RREB1: variants seen among roughly 807,000 people sequenced by gnomAD.
The protein encoded by RREB1 is ras responsive element binding protein 1, also known as ras-responsive element-binding protein 1.
RREB1 carries 27 observed loss-of-function variants against 117.8 expected under a neutral mutation model. The ratio of observed to expected loss-of-function variants is 0.23; its 90% CI spans 0.17 to 0.32. RREB1 has a LOEUF of 0.32. RREB1 is among the 10% of genes least tolerant of loss of function. RREB1 has a pLI of 1.00. For synonymous variants in RREB1, 1,298 were observed against 1,026.7 expected (o/e 1.26, Z -5.05); for missense variants, 2,577 against 2,378.2 (o/e 1.08, Z -1.74).
chr6:7,193,293 ATG>A (rs1402654584), intron 6 of RREB1, among the ~76,000 whole-genome samples: 1 of 152,190 alleles, frequency 6.6e-6, no homozygotes, highest in African/African-American at 2.4e-5. Flanking sequence ...TTTGAGAAGA[ATG>A]TGTATTCTGC....
At chr6:7,126,321 C>A (rs1761927166) in intron 1 of RREB1, among the ~76,000 whole-genome samples, 1 of 147,068 alleles carries the variant, frequency 6.8e-6, no homozygotes, top group Non-Finnish European at 1.5e-5. Flanking sequence ...CCGACCCATT[C>A]TTGTTGCCCA....
At chr6:7,166,182 G>C (rs1011739343) in intron 1 of RREB1, among the ~76,000 whole-genome samples, 4 of 151,860 alleles carry the variant, frequency 2.6e-5, no homozygotes, top group Admixed American at 2.6e-4. Context: ...GCCAGCCCCT[G>C]GCCTTGGCCC....
chr6:7,199,114 T>C (rs1227752347), intron 6 of RREB1, among the ~76,000 whole-genome samples: 2 of 152,196 alleles, frequency 1.3e-5, no homozygotes, highest in Non-Finnish European at 2.9e-5. Flanking sequence ...ACTTCAGTAG[T>C]GGTTTAAAGA....
chr6:7,193,988 C>T (rs1765543242), intron 6 of RREB1, among the ~76,000 whole-genome samples: 2 of 152,298 alleles, frequency 1.3e-5, no homozygotes, highest in South Asian at 4.1e-4. Flanking sequence ...TCCTCATTCT[C>T]AACACAATTC....
At chr6:7,245,956 A>G (rs1490706762) in intron 11 of RREB1, among the ~76,000 whole-genome samples, 4 of 152,244 alleles carry the variant, frequency 2.6e-5, no homozygotes, top group Non-Finnish European at 5.9e-5. Flanking sequence ...CATCAAGACC[A>G]TGCTTTGGAG....
Position 7,249,201 on chromosome 6 carries a change from C to T in RREB1, c.*233C>T. ...CCGATTCCAGTGCCTTAACTACTTA[C>T]CGGATCCCTCCATATTATCATGGGT... On this transcript the variant is annotated 3_prime_UTR_variant, in exon 13 of 13. Coordinates refer to ENST00000379938, the MANE Select transcript of RREB1 (RefSeq NM_001003699.4). The T allele has an allele frequency of 2.1e-6, 1 of 482,422 alleles. No homozygotes were observed. Among genetic ancestry groups the T allele is most frequent in the Non-Finnish European group, 3.6e-6 (1 of 274,488 alleles). 29.9% of individuals were successfully genotyped at this position (482,422 alleles called of 1,614,324 possible).
chr6:7,234,467 T>C (rs768583589), intron 10 of RREB1, among the ~76,000 whole-genome samples: 17 of 152,232 alleles, frequency 1.1e-4, no homozygotes, highest in Admixed American at 2.0e-4. Flanking sequence ...TGATATGTGT[T>C]CCCATTTGTG....
At chr6:7,166,459 TG>T (rs1189432792) in intron 1 of RREB1, among the ~76,000 whole-genome samples, 1 of 152,192 alleles carries the variant, frequency 6.6e-6, no homozygotes, top group Non-Finnish European at 1.5e-5. Flanking sequence ...GGTGAGGGGA[TG>T]GGAGGTTTTC....
chr6:7,236,877 GT>G (rs1768361092), intron 10 of RREB1, among the ~76,000 whole-genome samples: 1 of 61,008 alleles, frequency 1.6e-5, no homozygotes, highest in Non-Finnish European at 3.5e-5. Flanking sequence ...TTTTTTGTTT[GT>G]TTTTGGAGGT....
At chr6:7,133,045 C>T (rs781562674) in intron 1 of RREB1, among the ~76,000 whole-genome samples, 15 of 152,200 alleles carry the variant, frequency 9.9e-5, no homozygotes, top group Non-Finnish European at 1.8e-4. Flanking sequence ...AGCAAGTCGA[C>T]AAGTGGGTTA....
At chr6:7,236,445 A>T (rs1259532027) in intron 10 of RREB1, among the ~76,000 whole-genome samples, 1 of 152,200 alleles carries the variant, frequency 6.6e-6, no homozygotes, top group African/African-American at 2.4e-5. Context: ...CTGGGTGTGG[A>T]AAGCACCTGG....
At chr6:7,172,751 A>G (rs1764284846) in intron 1 of RREB1, among the ~76,000 whole-genome samples, 1 of 152,058 alleles carries the variant, frequency 6.6e-6, no homozygotes, top group East Asian at 1.9e-4. Context: ...CCTGGACCCT[A>G]AGCCAAGAAA....
chr6:7,243,156 C>CA (rs1452189599), intron 11 of RREB1, among the ~76,000 whole-genome samples: 1 of 152,244 alleles, frequency 6.6e-6, no homozygotes, highest in Non-Finnish European at 1.5e-5. Context: ...TCTCCATCCT[C>CA]AGATGCTTTG....
chr6:7,121,951 T>C (rs1275549347), intron 1 of RREB1, among the ~76,000 whole-genome samples: 1 of 152,106 alleles, frequency 6.6e-6, no homozygotes, highest in East Asian at 1.9e-4. Flanking sequence ...AGCAAGTGGT[T>C]GTCACCTACT....
At chr6:7,132,436 G>T (rs893616878) in intron 1 of RREB1, among the ~76,000 whole-genome samples, 1 of 152,178 alleles carries the variant, frequency 6.6e-6, no homozygotes, top group Non-Finnish European at 1.5e-5. Flanking sequence ...AAAGTGGTGG[G>T]ATTAGAGACG....
intron 1 of RREB1, among the ~76,000 whole-genome samples, chr6:7,118,279 C>T (rs1335940916): frequency 1.3e-5 from 2 of 152,118 alleles, no homozygotes; most frequent in African/African-American, 4.8e-5. Context: ...TGCCACCACA[C>T]CTGGCTAATT....
intron 1 of RREB1, among the ~76,000 whole-genome samples, chr6:7,175,028 GAAA>G (rs1056253552): frequency 3.3e-5 from 5 of 151,730 alleles, no homozygotes; most frequent in Non-Finnish European, 7.4e-5. Context: ...GCAGTTTCTA[GAAA>G]AAAACCAAAG....
chr6:7,143,555 G>A (rs950664736), intron 1 of RREB1, among the ~76,000 whole-genome samples: 4 of 152,142 alleles, frequency 2.6e-5, no homozygotes, highest in African/African-American at 9.7e-5. Context: ...AGCTCCTGTT[G>A]GAAGAGAGTA....
chr6:7,165,258 C>T (rs910175526), intron 1 of RREB1, among the ~76,000 whole-genome samples: 3 of 152,156 alleles, frequency 2.0e-5, no homozygotes, highest in East Asian at 1.9e-4. Flanking sequence ...CCCTTGCCTT[C>T]GTGTGGTCAG....
Sources: allele counts gnomAD v4.1 joint callset (sites outside exome capture counted in the v4.1 genomes callset), GRCh38; gene constraint gnomAD v4.1.1; transcripts MANE v1.5; gene names NCBI Gene and HGNC (gene_info 2026-07-23, HGNC 2026-07-21).